The following ACTR3 variants were observed in gnomAD, a reference collection of about 807,000 sequenced individuals.
ACTR3 encodes the protein actin related protein 3.
In ACTR3, 12 loss-of-function variants were observed where a neutral mutation model predicts 56.8. The observed-to-expected ratio is 0.21, with a 90% CI of 0.14 to 0.34. ACTR3 has a LOEUF of 0.34. ACTR3 is among the 10% of genes least tolerant of loss of function. The pLI is 1.00. For synonymous variants in ACTR3, 162 were observed against 167.4 expected (o/e 0.97, Z 0.25); for missense variants, 282 against 512.5 (o/e 0.55, Z 4.34).
rs182994964 is a variant in ACTR3, at chr2:113,920,868, T to C, written c.225+3860T>C. ...GTATTGTGCATATATACTACACATA[T>C]CCGTATGGACACTTAGGTTAATTTC... On this transcript the variant is annotated intron_variant, in intron 3 of 11. Coordinates refer to ENST00000263238, the MANE Select transcript of ACTR3 (RefSeq NM_005721.5). Among the ~76,000 whole-genome samples, 88 of 152,308 alleles carry C rather than the reference T, an allele frequency of 5.8e-4. No individual in the cohort carries two copies. The East Asian group carries it at 0.015, about 26-fold the overall frequency.
chr2:113,930,521 A>G (rs775264339), intron 4 of ACTR3, among the ~76,000 whole-genome samples: 3 of 152,198 alleles, frequency 2.0e-5, no homozygotes, highest in Non-Finnish European at 2.9e-5. Context: ...TTTTACATTT[A>G]AGTATTTGAG....
At chr2:113,941,163 T>C (rs930910838) in intron 7 of ACTR3, among the ~76,000 whole-genome samples, 1 of 152,148 alleles carries the variant, frequency 6.6e-6, no homozygotes, top group Non-Finnish European at 1.5e-5. Flanking sequence ...TGAAAATTTA[T>C]CAACTACTTC....
intron 6 of ACTR3, among the ~76,000 whole-genome samples, chr2:113,938,916 T>A (rs1679875338): frequency 6.6e-6 from 1 of 152,206 alleles, no homozygotes; most frequent in South Asian, 2.1e-4. Flanking sequence ...CTAGTAACTC[T>A]CCCTAGGCAG....
At chr2:113,939,222 C>T (rs1037414148) in intron 6 of ACTR3, among the ~76,000 whole-genome samples, 17 of 151,910 alleles carry the variant, frequency 1.1e-4, no homozygotes, top group Non-Finnish European at 2.4e-4. Context: ...CGGGGTTTCA[C>T]CGTGTTAGCC....
chr2:113,954,725 C>T (rs1457926133), intron 10 of ACTR3: 1 of 151,408 alleles, frequency 6.6e-6, no homozygotes, highest in South Asian at 2.1e-4. Flanking sequence ...TGTACTTTCT[C>T]TTTTCTGGCC....
chr2:113,894,076 T>C (rs1319952106), intron 1 of ACTR3, among the ~76,000 whole-genome samples: 1 of 151,964 alleles, frequency 6.6e-6, no homozygotes, highest in Non-Finnish European at 1.5e-5. Flanking sequence ...GCGTATTGTT[T>C]AATAATAATG....
rs796368384 is a variant in ACTR3 at position 113,941,647 on chromosome 2, G to A, written c.685-539G>A. On this transcript the variant is annotated intron_variant, in intron 7 of 11. Coordinates refer to ENST00000263238, the MANE Select transcript of ACTR3 (RefSeq NM_005721.5). ...TAATATATTTTTCAGTGTTTTTGAT[G>A]AAAACTTTTACTTAGGTCATATAAC... Among the ~76,000 whole-genome samples the A allele has an allele frequency of 1.4e-4, 22 of 152,178 alleles. 1 individual carries two copies. Among genetic ancestry groups the A allele is most frequent in the African/African-American group, 5.1e-4 (21 of 41,548 alleles).
intron 8 of ACTR3, among the ~76,000 whole-genome samples, chr2:113,946,550 G>A (rs1680023769): frequency 6.6e-6 from 1 of 151,946 alleles, no homozygotes; most frequent in African/African-American, 2.4e-5. Context: ...CTTTTTAATG[G>A]AGTTGTTTTT....
chr2:113,932,066 C>G (rs1679733473), intron 5 of ACTR3, among the ~76,000 whole-genome samples: 1 of 152,104 alleles, frequency 6.6e-6, no homozygotes, highest in Admixed American at 6.6e-5. Context: ...GCTGTGATAC[C>G]AGGCAGCTGA....
chr2:113,916,916 G>A lies in ACTR3; in HGVS notation c.133G>A (p.Asp45Asn), dbSNP rs1269491997. The A allele has an allele frequency of 6.2e-7, 1 of 1,609,558 alleles. No homozygotes were observed. Among genetic ancestry groups the A allele is most frequent in the Non-Finnish European group, 8.5e-7 (1 of 1,177,138 alleles). Reference sequence around the variant, plus strand: ...TATTAAGGAGTCAGCAAAAGTGGGTGATCAAGCTCAAAGGAGGGTGATGAA... The same window carrying A: ...TATTAAGGAGTCAGCAAAAGTGGGTAATCAAGCTCAAAGGAGGGTGATGAA... ...IAIKESAKVGDQAQRRVMKGV... is the reference protein window; with the variant it reads ...IAIKESAKVGNQAQRRVMKGV... Residue 45 changes from aspartate (D) to asparagine (N), a missense_variant, in exon 3 of 12, where the codon GAT becomes AAT. Transcript: ENST00000263238.
chr2:113,939,686 A>G (rs1024358396), intron 6 of ACTR3, among the ~76,000 whole-genome samples: 3 of 152,176 alleles, frequency 2.0e-5, no homozygotes, highest in Non-Finnish European at 2.9e-5. Context: ...TGCTATCTAA[A>G]CCATTTGATA....
intron 8 of ACTR3, among the ~76,000 whole-genome samples, chr2:113,945,289 A>C (rs1004315308): frequency 1.3e-5 from 2 of 152,180 alleles, no homozygotes; most frequent in African/African-American, 4.8e-5. Flanking sequence ...TCCTGCTGCC[A>C]TTGTGTTCTA....
chr2:113,956,992 A>C (rs1386189805), intron 11 of ACTR3, among the ~76,000 whole-genome samples: 2 of 152,238 alleles, frequency 1.3e-5, no homozygotes, highest in African/African-American at 4.8e-5. Context: ...GAGTAGTTTT[A>C]TCTGTAGTTA....
At chr2:113,948,857 C>A (rs888009666) in intron 8 of ACTR3, among the ~76,000 whole-genome samples, 3 of 132,562 alleles carry the variant, frequency 2.3e-5, no homozygotes, top group Non-Finnish European at 3.1e-5. Context: ...TCTGAACTTG[C>A]TTCTGTCGGT....
chr2:113,910,286 C>T (rs1011720830), intron 1 of ACTR3, among the ~76,000 whole-genome samples: 1 of 152,104 alleles, frequency 6.6e-6, no homozygotes, highest in Non-Finnish European at 1.5e-5. Context: ...TAGCTGAACA[C>T]GTGGAGGTTC....
At chr2:113,909,677 T>C (rs1037273350) in intron 1 of ACTR3, among the ~76,000 whole-genome samples, 26 of 146,792 alleles carry the variant, frequency 1.8e-4, no homozygotes, top group African/African-American at 6.1e-4. Context: ...GAGGGGGGAA[T>C]AGGGAATAGA....
chr2:113,893,807 C>G (rs558280296), intron 1 of ACTR3, among the ~76,000 whole-genome samples: 2 of 151,950 alleles, frequency 1.3e-5, no homozygotes, highest in Non-Finnish European at 2.9e-5. Context: ...TAATATAGCC[C>G]TATGGTCAAA....
upstream of ACTR3, chr2:113,890,040 G>A (rs1045014779): frequency 3.4e-6 from 2 of 592,996 alleles, no homozygotes; most frequent in Non-Finnish European, 3.0e-6. Flanking sequence ...GGAAGAGAGA[G>A]GGGGAGGAGG....
intron 1 of ACTR3, 159 bp downstream of exon 1, chr2:113,890,482 C>A: frequency 1.6e-6 from 2 of 1,285,128 alleles, no homozygotes; most frequent in Non-Finnish European, 2.1e-6. Context: ...GCAGCCAGGG[C>A]CTCGCGGGTC....
Sources: gnomAD v4.1 joint callset for allele counts (sites outside exome capture counted in the v4.1 genomes callset) on GRCh38, gnomAD v4.1.1 for gene constraint, MANE v1.5 for transcripts, NCBI Gene and HGNC (gene_info 2026-07-23, HGNC 2026-07-21) for gene names.